The following ZNF428 variants were observed in gnomAD, a reference collection of about 807,000 sequenced individuals.
ZNF428 encodes the protein enzyme-like protein PIT13.
A neutral mutation model predicts 15.6 loss-of-function variants in ZNF428; 5 were observed. That is an observed-to-expected ratio of 0.32 (90% CI 0.17 to 0.67). The LOEUF is 0.67. ZNF428 is among the 30% of genes least tolerant of loss of function. The pLI is 0.73. For synonymous variants in ZNF428, 97 were observed against 102.2 expected (o/e 0.95, Z 0.31); for missense variants, 237 against 256.0 (o/e 0.93, Z 0.51).
At chr19:43,618,109 A>G (rs1350438028) in intron 1 of ZNF428, among the ~76,000 whole-genome samples, 2 of 132,584 alleles carry the variant, frequency 1.5e-5, no homozygotes, top group Non-Finnish European at 3.0e-5. Context: ...ATCTCGGCTC[A>G]CTGCAAGCTC....
intron 1 of ZNF428, among the ~76,000 whole-genome samples, chr19:43,616,369 G>A (rs938977327): frequency 1.3e-5 from 2 of 152,192 alleles, no homozygotes; most frequent in Non-Finnish European, 2.9e-5. Flanking sequence ...CTCTAGCTGT[G>A]TAGCACCAAG....
intron 2 of ZNF428, chr19:43,613,286 C>A: frequency 6.4e-7 from 1 of 1,551,162 alleles, no homozygotes; most frequent in Non-Finnish European, 8.7e-7. Flanking sequence ...GGAGAGTGGT[C>A]GCAGTCAATC....
At chr19:43,615,316 T>C (rs982986081) in intron 1 of ZNF428, among the ~76,000 whole-genome samples, 1 of 151,954 alleles carries the variant, frequency 6.6e-6, no homozygotes, top group African/African-American at 2.4e-5. Context: ...GGTTTCACCA[T>C]GTTGCCCAGA....
At chr19:43,613,319 G>A (rs1313035380) in intron 2 of ZNF428, 7 of 1,551,392 alleles carry the variant, frequency 4.5e-6, no homozygotes, top group Non-Finnish European at 6.1e-6. Flanking sequence ...CAAGCAGAGA[G>A]ATCACAGCCG....
Position 43,612,514 on chromosome 19 carries a change from C to G in ZNF428, c.76+1715G>C, listed in dbSNP as rs1222405790. ...CACCTGGCAGAAGGGGAAGCCGCAG[C>G]TCCAAGAGGTCACCCAGCAGGGCCA... On this transcript the variant is annotated intron_variant, in intron 2 of 2. Transcript: ENST00000300811. This position sits in a 1 kb window ranked among gnomAD's most constrained non-coding sequence, Gnocchi z 4.2. 11 of 1,551,310 alleles carry G rather than the reference C, an allele frequency of 7.1e-6. No individual in the cohort carries two copies. In the African/African-American group the frequency reaches 1.2e-4, roughly 17 times the overall value.
At position 43,608,079 on chromosome 19, in the gene ZNF428, G is replaced by A. The variant is rs553007441; in HGVS notation, c.105C>T (p.Tyr35=). Residue 35 remains tyrosine, a synonymous_variant, in exon 3 of 3, where the codon TAC becomes TAT. Coordinates refer to ENST00000300811, the MANE Select transcript of ZNF428 (RefSeq NM_182498.4). ...PGPEHSSDSE[Y]TLSEPDSEEE... The stretch of plus-strand genomic sequence containing the variant: ...CTTCGGAGTCCGGCTCTGAGAGAGT[G>A]TATTCTGAATCAGAGGAATGCTCGG... 5.0e-6 allele frequency: 8 copies of A among 1,613,800 alleles called. No individual in the cohort carries two copies. Among genetic ancestry groups the A allele is most frequent in the East Asian group, 4.5e-5 (2 of 44,878 alleles).
rs1973252678 is a variant in ZNF428, at chr19:43,607,636, T to C, written c.548A>G (p.His183Arg). 2 of 1,584,752 alleles carry C rather than the reference T, an allele frequency of 1.3e-6. No individual in the cohort carries two copies. The highest frequency in any genetic ancestry group is 1.3e-5 in the African/African-American group (1 of 74,218). ...LGELHGHFMLHARGEV is the reference protein window; with the variant it reads ...LGELHGHFMLRARGEV ...CTCTGCCTACACCTCACCCCGGGCA[T>C]GCAGCATGAAGTGCCCGTGCAGCTC... is the stretch of plus-strand genomic sequence containing the variant. Residue 183 changes from histidine to arginine, a missense_variant, in exon 3 of 3, where the codon CAT (histidine) becomes CGT (arginine). By Grantham distance (29) the His-to-Arg change is conservative. Coordinates refer to ENST00000300811, the MANE Select transcript of ZNF428 (RefSeq NM_182498.4). The surrounding 1 kb of genome is among the most constrained non-coding windows in gnomAD (Gnocchi z 5.1).
Position 43,614,361 on chromosome 19 carries a change from C to T in ZNF428, c.-57G>A, listed in dbSNP as rs1223896382. The T allele has an allele frequency of 3.9e-6, 6 of 1,537,600 alleles. No homozygotes were observed. Among genetic ancestry groups the T allele is most frequent in the Admixed American group, 2.1e-5 (1 of 47,528 alleles). ...AGCAGCAGCTGAGCAGCGTCCCTCC[C>T]CGGCCAGCTCTCCACAGCCACACCT... On this transcript the variant is annotated 5_prime_UTR_variant, in exon 2 of 3. Coordinates refer to ENST00000300811, the MANE Select transcript of ZNF428 (RefSeq NM_182498.4).
intron 1 of ZNF428, among the ~76,000 whole-genome samples, chr19:43,619,048 G>C (rs2146126493): frequency 6.6e-6 from 1 of 152,258 alleles, no homozygotes; most frequent in East Asian, 1.9e-4. Context: ...TGGGCCTATA[G>C]CAGTCAATTC....
chr19:43,607,314 G>C lies in ZNF428; in HGVS notation c.*303C>G. The C allele has an allele frequency of 5.5e-6, 2 of 365,750 alleles. No individual in the cohort carries two copies. The highest frequency in any genetic ancestry group is 9.8e-6 in the Non-Finnish European group (2 of 203,954). The allele number at this position is 365,750 out of a possible 1,614,324, so 22.7% of individuals were successfully genotyped here. A position where few individuals can be genotyped will look rare whatever the true frequency, so the allele number is the denominator to read the frequency against. On this transcript the variant is annotated 3_prime_UTR_variant, in exon 3 of 3. Coordinates refer to ENST00000300811, the MANE Select transcript of ZNF428 (RefSeq NM_182498.4). This position sits in a 1 kb window ranked among gnomAD's most constrained non-coding sequence, Gnocchi z 5.1. ...AAACCTCATCGAATACAAGCACGCA[G>C]TAAATGTTATCTTTCCCAAAAGACC...
intron 1 of ZNF428, among the ~76,000 whole-genome samples, chr19:43,616,986 G>A (rs1973377915): frequency 6.6e-6 from 1 of 151,858 alleles, no homozygotes; most frequent in Non-Finnish European, 1.5e-5. Flanking sequence ...AGTAGAGACA[G>A]GGTTTCATTA....
rs1435558657 is a variant in ZNF428, at chr19:43,607,956, A to G, written c.228T>C (p.Gly76=). Reference sequence around the variant, plus strand: ...CACGGGGGGCCCGGCGGGATGGGCCACCACGGCCCCCGCCAAGGCGCTGCT... The same window carrying G: ...CACGGGGGGCCCGGCGGGATGGGCCGCCACGGCCCCCGCCAAGGCGCTGCT... ...KVKQRLGGGR[G]GPSRRAPRAA... is the part of the protein sequence containing the mutation. Residue 76 remains glycine, a synonymous_variant, in exon 3 of 3, where the codon GGT becomes GGC. Transcript: ENST00000300811. The surrounding 1 kb of genome is among the most constrained non-coding windows in gnomAD (Gnocchi z 5.1). 1 of 1,593,154 alleles carries G rather than the reference A, an allele frequency of 6.3e-7. No individual in the cohort carries two copies. The highest frequency in any genetic ancestry group is 1.8e-5 in the Admixed American group (1 of 55,824).
chr19:43,607,260 C>T lies in ZNF428; in HGVS notation c.*357G>A, dbSNP rs183768748. On this transcript the variant is annotated 3_prime_UTR_variant, in exon 3 of 3. Transcript: ENST00000300811. The surrounding 1 kb of genome is among the most constrained non-coding windows in gnomAD (Gnocchi z 5.1). ...CAAAATTCTATTATTAGAGCCTTTA[C>T]ATTATGGGGTCTGTAAGTAAATACA... 317 of 214,464 alleles carry T rather than the reference C, an allele frequency of 1.5e-3. No homozygotes were observed. The highest frequency in any genetic ancestry group is 2.0e-3 in the Non-Finnish European group (223 of 109,340). 13.3% of individuals were successfully genotyped at this position (214,464 alleles called of 1,614,324 possible).
rs368317287 is a variant in ZNF428, at chr19:43,612,084, C to G, written c.76+2145G>C. On this transcript the variant is annotated intron_variant, in intron 2 of 2. Transcript: ENST00000300811. The surrounding 1 kb of genome is among the most constrained non-coding windows in gnomAD (Gnocchi z 4.2). ...ACGGCTACCAGGTGTTTCATGTCTA[C>G]TGTGACTTCCAGGACCACAAGCCCT... 3.0e-5 allele frequency: 44 copies of G among 1,472,790 alleles called. No individual in the cohort carries two copies. Among genetic ancestry groups the G allele is most frequent in the African/African-American group, 1.3e-4 (9 of 71,444 alleles). The allele number at this position is 1,472,790 out of a possible 1,614,324, so 91.2% of individuals were successfully genotyped here.
rs1232646229 is a variant in ZNF428 at position 43,607,793 on chromosome 19, G to A, written c.391C>T (p.Leu131Phe). Residue 131 changes from leucine (L) to phenylalanine (F), a missense_variant, in exon 3 of 3, where the codon CTC becomes TTC. By Grantham distance (22) the Leu-to-Phe change is conservative. Coordinates refer to ENST00000300811, the MANE Select transcript of ZNF428 (RefSeq NM_182498.4). This position sits in a 1 kb window ranked among gnomAD's most constrained non-coding sequence, Gnocchi z 5.1. ...QEAPAPEGRA[L>F]GEEEEEPPRA... ...GGTGGTTCCTCCTCTTCCTCCCCGA[G>A]GGCCCTGCCTTCAGGGGCTGGTGCT... is the stretch of plus-strand genomic sequence containing the variant. 6.3e-7 allele frequency: 1 copy of A among 1,587,266 alleles called. No homozygotes were observed. The highest frequency in any genetic ancestry group is 1.3e-5 in the African/African-American group (1 of 74,110).
At position 43,613,286 on chromosome 19, in the gene ZNF428, C is replaced by T. The variant is rs1318643822; in HGVS notation, c.76+943G>A. On this transcript the variant is annotated intron_variant, in intron 2 of 2. Coordinates refer to ENST00000300811, the MANE Select transcript of ZNF428 (RefSeq NM_182498.4). ...TAGCAGCCCCAGGAAGGAGAGTGGT[C>T]GCAGTCAATCAGGAAGCCCCAACAA... 6 of 1,551,046 alleles carry T rather than the reference C, an allele frequency of 3.9e-6. No individual in the cohort carries two copies. In the African/African-American group the frequency reaches 4.1e-5, roughly 11 times the overall value.
intron 2 of ZNF428, among the ~76,000 whole-genome samples, chr19:43,610,971 GTA>G (rs1156378109): frequency 2.6e-5 from 4 of 152,130 alleles, no homozygotes; most frequent in African/African-American, 4.8e-5. Flanking sequence ...TGAGGCCTTG[GTA>G]TGGGCTGTTC....
Position 43,607,559 on chromosome 19 carries a change from C to A in ZNF428, c.*58G>T. On this transcript the variant is annotated 3_prime_UTR_variant, in exon 3 of 3. Transcript: ENST00000300811. The surrounding 1 kb of genome is among the most constrained non-coding windows in gnomAD (Gnocchi z 5.1). ...TGACCACTGTCACAACCCCAATTTC[C>A]TCAGCCCCCTCCTCCCACCCCACCC... 2 of 1,519,816 alleles carry A rather than the reference C, an allele frequency of 1.3e-6. No individual in the cohort carries two copies. Among genetic ancestry groups the A allele is most frequent in the Non-Finnish European group, 1.8e-6 (2 of 1,134,052 alleles). 94.1% of individuals were successfully genotyped at this position (1,519,816 alleles called of 1,614,324 possible).
In ZNF428 at chr19:43,613,599, AAGAG is replaced by A. The variant is rs1297293934; in HGVS notation, c.76+626_76+629del. ...CACAGCCAACTTGGAAGCCCCAGCA[AAGAG>A]AGAGATCACAGACGATCTAGAAGCC... On this transcript the variant is annotated intron_variant, in intron 2 of 2. Transcript: ENST00000300811. 4 of 1,550,196 alleles carry A rather than the reference AAGAG, an allele frequency of 2.6e-6. No individual in the cohort carries two copies. In the African/African-American group the frequency reaches 4.1e-5, roughly 16 times the overall value.
Sources: allele counts gnomAD v4.1 joint callset (sites outside exome capture counted in the v4.1 genomes callset), GRCh38; gene constraint gnomAD v4.1.1; non-coding constraint Gnocchi (gnomAD v3.1); transcripts MANE v1.5; gene names NCBI Gene and HGNC (gene_info 2026-07-23, HGNC 2026-07-21).